Variants in SLC22A25 observed in about 807,000 individuals in gnomAD.
The protein encoded by SLC22A25 is solute carrier family 22 member 25.
In SLC22A25, 44 loss-of-function variants were observed where a neutral mutation model predicts 45.9. That is an observed-to-expected ratio of 0.96 (90% CI 0.75 to 1.23). SLC22A25 has a LOEUF of 1.23. Among genes scored for constraint, SLC22A25 ranks in the 50% most tolerant of loss-of-function variants. The pLI is 0.00. For synonymous variants in SLC22A25, 283 were observed against 238.6 expected (o/e 1.19, Z -1.72); for missense variants, 800 against 666.4 (o/e 1.20, Z -2.21).
intron 7 of SLC22A25, among the ~76,000 whole-genome samples, chr11:63,193,211 T>C (rs540189721): frequency 2.0e-5 from 3 of 152,114 alleles, no homozygotes; most frequent in Non-Finnish European, 4.4e-5. Context: ...ACAGCTCCAG[T>C]CTACACCTCC....
At chr11:63,183,153 A>G (rs1013046571) in intron 8 of SLC22A25, among the ~76,000 whole-genome samples, 1 of 152,156 alleles carries the variant, frequency 6.6e-6, no homozygotes, top group Non-Finnish European at 1.5e-5. Flanking sequence ...GCTTATAGTA[A>G]GTAGAAGAAA....
In SLC22A25 at chr11:63,187,158, T is replaced by A. The variant is rs1421016445; in HGVS notation, c.831-3341A>T. Among the ~76,000 whole-genome samples the A allele has an allele frequency of 1.1e-4, 16 of 152,350 alleles. No individual in the cohort carries two copies. In the East Asian group the frequency reaches 2.9e-3, roughly 28 times the overall value. On this transcript the variant is annotated intron_variant, in intron 7 of 11. Coordinates refer to ENST00000306494, the MANE Select transcript of SLC22A25 (RefSeq NM_199352.6). ...GGCAGTATGGCCATTTTCATGATAT[T>A]GAATCTTCCTACCCATGAGCATGGA... is the stretch of plus-strand genomic sequence containing the variant.
chr11:63,194,161 G>T (rs1338832584), intron 7 of SLC22A25, among the ~76,000 whole-genome samples: 1 of 152,130 alleles, frequency 6.6e-6, no homozygotes, highest in Non-Finnish European at 1.5e-5. Context: ...ATATGTGACT[G>T]TGTGAAAAGA....
intron 5 of SLC22A25, among the ~76,000 whole-genome samples, chr11:63,226,364 G>C (rs574115546): frequency 1.3e-5 from 2 of 152,304 alleles, no homozygotes; most frequent in South Asian, 4.1e-4. Flanking sequence ...ATCTGCATTA[G>C]GGGGCCTCCA....
intron 7 of SLC22A25, among the ~76,000 whole-genome samples, chr11:63,199,845 CA>C (rs1471096563): frequency 6.6e-6 from 1 of 151,758 alleles, no homozygotes; most frequent in African/African-American, 2.4e-5. Context: ...TATGAGGAAC[CA>C]GGGGAGGGAC....
In SLC22A25 at chr11:63,228,453, A is replaced by G. The variant is rs144340167; in HGVS notation, c.506+8T>C. Reference sequence around the variant, plus strand: ...CCTTGAAGAGAGCTATGCTCCATAGACACTCACCTGTCTGACAAATGGCCA... The same window carrying G: ...CCTTGAAGAGAGCTATGCTCCATAGGCACTCACCTGTCTGACAAATGGCCA... On this transcript the variant is annotated splice_region_variant and intron_variant, in intron 5 of 11. Coordinates refer to ENST00000306494, the MANE Select transcript of SLC22A25 (RefSeq NM_199352.6). 25 of 1,587,766 alleles carry G rather than the reference A, an allele frequency of 1.6e-5. No individual in the cohort carries two copies. In the East Asian group the frequency reaches 5.6e-4, roughly 35 times the overall value.
At chr11:63,213,580 G>A (rs542459618) in intron 7 of SLC22A25, among the ~76,000 whole-genome samples, 5 of 152,286 alleles carry the variant, frequency 3.3e-5, no homozygotes, top group African/African-American at 7.2e-5. Context: ...AGAGGACATC[G>A]TTGGCTGTCC....
intron 5 of SLC22A25, among the ~76,000 whole-genome samples, chr11:63,221,383 G>A (rs760474903): frequency 5.3e-5 from 8 of 152,094 alleles, no homozygotes; most frequent in African/African-American, 1.7e-4. Flanking sequence ...GACCAATGAT[G>A]TTGAGCACAT....
At position 63,180,746 on chromosome 11, in the gene SLC22A25, C is replaced by T; in HGVS notation, c.984G>A (p.Leu328=). Residue 328 remains leucine (L), a synonymous_variant, in exon 9 of 12, where the codon CTG becomes CTA. Transcript: ENST00000306494. The stretch of plus-strand genomic sequence containing the variant: ...GAGAATGCTTTTTCTGTGCTGCCTC[C>T]AGTTCTTGCTTCATGGTGGATTTCA... ...EVLKSTMKQE[L]EAAQKKHSLC... 6.2e-7 allele frequency: 1 copy of T among 1,613,092 alleles called. No individual in the cohort carries two copies. Among genetic ancestry groups the T allele is most frequent in the Non-Finnish European group, 8.5e-7 (1 of 1,179,484 alleles).
At chr11:63,182,663 T>G (rs1282905856) in intron 8 of SLC22A25, among the ~76,000 whole-genome samples, 10 of 152,012 alleles carry the variant, frequency 6.6e-5, no homozygotes, top group Non-Finnish European at 2.9e-5. Flanking sequence ...TGGGAAATAT[T>G]TATTTCTTCC....
rs780904157 is a variant in SLC22A25, at chr11:63,217,618, A to G, written c.624T>C (p.Ala208=). Residue 208 remains alanine (A), a synonymous_variant, in exon 6 of 12, where the codon GCT becomes GCC. Transcript: ENST00000306494. ...TATTTACAATGATGCTAAATGTAGCAGCCCCAGCCAAGAAGCGCAGGGAGC... is the reference window on the plus strand; with the variant it reads ...TATTTACAATGATGCTAAATGTAGCGGCCCCAGCCAAGAAGCGCAGGGAGC... ...VYCSLRFLAG[A]ATFSIIVNTV... The G allele has an allele frequency of 3.1e-6, 5 of 1,613,912 alleles. No individual in the cohort carries two copies. The Admixed American group carries it at 6.7e-5, about 22-fold the overall frequency.
At chr11:63,174,201 T>A (rs1173483503) in intron 9 of SLC22A25, among the ~76,000 whole-genome samples, 2 of 152,174 alleles carry the variant, frequency 1.3e-5, no homozygotes, top group African/African-American at 4.8e-5. Context: ...GGTTTCCAGC[T>A]TCATCCATGT....
Position 63,180,651 on chromosome 11 carries a change from G to A in SLC22A25, c.1070+9C>T. ...TTTTAACATTCCTCACACACTGCAT[G>A]AAACTTACCTCACAAAGGACAGGAA... On this transcript the variant is annotated intron_variant, in intron 9 of 11. Coordinates refer to ENST00000306494, the MANE Select transcript of SLC22A25 (RefSeq NM_199352.6). 6.3e-7 allele frequency: 1 copy of A among 1,596,538 alleles called. No homozygotes were observed. Among genetic ancestry groups the A allele is most frequent in the Admixed American group, 1.7e-5 (1 of 58,374 alleles).
intron 9 of SLC22A25, among the ~76,000 whole-genome samples, chr11:63,170,243 C>T (rs552704094): frequency 2.0e-5 from 3 of 152,100 alleles, no homozygotes; most frequent in Admixed American, 6.6e-5. Context: ...CCTAACATCA[C>T]AATTAAAATA....
chr11:63,168,626 T>A (rs2087767374), intron 9 of SLC22A25, among the ~76,000 whole-genome samples: 1 of 151,866 alleles, frequency 6.6e-6, no homozygotes, highest in Admixed American at 6.6e-5. Flanking sequence ...GAAAAAAGAA[T>A]AAAAGGAACA....
chr11:63,163,827 T>TC lies in SLC22A25; in HGVS notation c.1640_1641insG (p.Ter548IlefsTer5), dbSNP rs769984748. 3.0e-4 allele frequency: 476 copies of TC among 1,612,380 alleles called. 5 individuals are homozygous for TC. Among genetic ancestry groups the TC allele is most frequent in the Admixed American group, 3.0e-4 (18 of 59,914 alleles). On this transcript the variant is annotated frameshift_variant, in exon 12 of 12. Coordinates refer to ENST00000306494, the MANE Select transcript of SLC22A25 (RefSeq NM_199352.6). LOFTEE classifies it high-confidence loss of function. ...TTTTGCTTTCCTCAGCACAGACCTA[T>TC]AGCACAGAGCTCCTCTGAGGGGCAG...
At chr11:63,236,120 T>C (rs2090158812) in intron 3 of SLC22A25, among the ~76,000 whole-genome samples, 1 of 152,218 alleles carries the variant, frequency 6.6e-6, no homozygotes, top group Admixed American at 6.5e-5. Context: ...AGTCTGCCTG[T>C]TCTCAGATCT....
rs2090033889 is a variant in SLC22A25, at chr11:63,229,658, C to T, written c.-6G>A. ...AGGAGGTCCTGAAAGGCCATTGAGG[C>T]TGGACAAGTGATCCCCAAGAGGAGA... On this transcript the variant is annotated 5_prime_UTR_variant, in exon 4 of 12. Coordinates refer to ENST00000306494, the MANE Select transcript of SLC22A25 (RefSeq NM_199352.6). 5 of 1,596,748 alleles carry T rather than the reference C, an allele frequency of 3.1e-6. No individual in the cohort carries two copies. The highest frequency in any genetic ancestry group is 4.3e-6 in the Non-Finnish European group (5 of 1,166,052).
chr11:63,237,029 G>C lies in SLC22A25; in HGVS notation c.-445+852C>G, dbSNP rs142334155. 2.6e-3 allele frequency among the ~76,000 whole-genome samples: 403 copies of C among 152,304 alleles called. 1 individual carries two copies. Among genetic ancestry groups the C allele is most frequent in the African/African-American group, 8.2e-3 (342 of 41,558 alleles). On this transcript the variant is annotated intron_variant, in intron 3 of 11. Transcript: ENST00000306494. ...GGTAACTTCTATGGTTTCAATGTCT[G>C]TTCCTAAACTCATGTTGAAATTTAA...
Sources: allele counts gnomAD v4.1 joint callset (sites outside exome capture counted in the v4.1 genomes callset), GRCh38; gene constraint gnomAD v4.1.1; transcripts MANE v1.5; gene names NCBI Gene and HGNC (gene_info 2026-07-23, HGNC 2026-07-21).